KLF12: variants seen among roughly 807,000 people sequenced by gnomAD.
The protein encoded by KLF12 is KLF transcription factor 12.
KLF12 carries 9 observed loss-of-function variants against 37.8 expected under a neutral mutation model. That is an observed-to-expected ratio of 0.24 (90% CI 0.14 to 0.42). KLF12 has a LOEUF of 0.42. Ranked by LOEUF, KLF12 falls within the 10% of genes least tolerant of loss-of-function variation. KLF12 has a pLI of 1.00. For missense variants in KLF12, 411 were observed against 516.0 expected, an observed-to-expected ratio of 0.80 and a Z score of 1.97; for synonymous variants, 208 against 202.1, an observed-to-expected ratio of 1.03 and a Z score of -0.25.
At chr13:74,288,762 A>AAC in the KLF12 span, among the ~76,000 whole-genome samples, 1 of 152,296 alleles carries the variant, frequency 6.6e-6, no homozygotes, top group African/African-American at 2.4e-5. Context: ...AAAAGAGCTG[A>AAC]ACAGTGATCC....
intron 3 of KLF12, among the ~76,000 whole-genome samples, chr13:73,899,986 C>A (rs1887966647): frequency 6.6e-6 from 1 of 152,076 alleles, no homozygotes; most frequent in Non-Finnish European, 1.5e-5. Flanking sequence ...TTAGAGAGCC[C>A]TAATGCAAAC....
At chr13:74,195,256 G>C in the KLF12 span, among the ~76,000 whole-genome samples, 2 of 152,142 alleles carry the variant, frequency 1.3e-5, no homozygotes, top group East Asian at 3.9e-4. Flanking sequence ...GGAAAAGAAA[G>C]TTATTAAAGA....
chr13:74,042,971 G>A (rs1322337035), intron 1 of KLF12, among the ~76,000 whole-genome samples: 1 of 152,154 alleles, frequency 6.6e-6, no homozygotes, highest in African/African-American at 2.4e-5. Context: ...AAGTAGCAAA[G>A]TTTAGTGGGG....
rs146118681 is a variant in KLF12, at chr13:74,110,821, A to T, written c.-32+22918T>A. ...AGAACTCAAGGGTTTGTAATCTGCA[A>T]ATAGGATATGAGTACTACATGAAGC... On this transcript the variant is annotated intron_variant, in intron 1 of 7. Transcript: ENST00000377669. Among the ~76,000 whole-genome samples, 10 of 152,304 alleles carry T rather than the reference A, an allele frequency of 6.6e-5. No individual in the cohort carries two copies. In the East Asian group the frequency reaches 1.9e-3, roughly 29 times the overall value.
intron 7 of KLF12, among the ~76,000 whole-genome samples, chr13:73,699,464 A>G (rs937068924): frequency 6.6e-6 from 1 of 152,202 alleles, no homozygotes; most frequent in African/African-American, 2.4e-5. Context: ...AATCAGACCT[A>G]AAAATATCCT....
the KLF12 span, among the ~76,000 whole-genome samples, chr13:74,193,907 T>C: frequency 2.0e-5 from 3 of 152,218 alleles, no homozygotes; most frequent in African/African-American, 7.2e-5. Context: ...TTATGTTCTT[T>C]AGCTTGGTTC....
the KLF12 span, among the ~76,000 whole-genome samples, chr13:74,163,639 A>C: frequency 6.6e-6 from 1 of 152,114 alleles, no homozygotes; most frequent in East Asian, 1.9e-4. Context: ...GAAAAGGAGA[A>C]GTAAGACCTA....
At chr13:73,723,965 C>G (rs749002582) in intron 6 of KLF12, among the ~76,000 whole-genome samples, 5 of 152,068 alleles carry the variant, frequency 3.3e-5, no homozygotes, top group African/African-American at 1.2e-4. Flanking sequence ...GTTCAACCAT[C>G]GGGGAAGACA....
intron 2 of KLF12, among the ~76,000 whole-genome samples, chr13:73,974,409 C>A (rs1316279295): frequency 6.6e-6 from 1 of 152,020 alleles, no homozygotes. Context: ...CCATTAGGAA[C>A]ACTCAATGCC....
At chr13:74,184,931 C>A in the KLF12 span, among the ~76,000 whole-genome samples, 1 of 152,278 alleles carries the variant, frequency 6.6e-6, no homozygotes, top group South Asian at 2.1e-4. Context: ...GCAGATTGGA[C>A]ATTTTACTAT....
At chr13:74,081,078 C>A (rs1346292085) in intron 1 of KLF12, among the ~76,000 whole-genome samples, 1 of 152,178 alleles carries the variant, frequency 6.6e-6, no homozygotes, top group Non-Finnish European at 1.5e-5. Flanking sequence ...CCAGTACCAA[C>A]CCTGGTCCAG....
chr13:74,154,494 G>A, the KLF12 span, among the ~76,000 whole-genome samples: 3 of 152,150 alleles, frequency 2.0e-5, no homozygotes, highest in African/African-American at 7.2e-5. Flanking sequence ...GTTGTTACAT[G>A]TTCCAATATT....
chr13:73,864,650 A>C (rs1041960268), intron 3 of KLF12, among the ~76,000 whole-genome samples: 5 of 152,138 alleles, frequency 3.3e-5, no homozygotes, highest in African/African-American at 1.2e-4. Context: ...TTTAAATTAC[A>C]AAGGAGTTCA....
intron 3 of KLF12, among the ~76,000 whole-genome samples, chr13:73,888,482 AT>A (rs1465241642): frequency 2.0e-5 from 3 of 152,220 alleles, no homozygotes; most frequent in African/African-American, 7.2e-5. Context: ...AACTTGTAGC[AT>A]GTATAATTCT....
intron 7 of KLF12, among the ~76,000 whole-genome samples, chr13:73,697,505 T>C (rs1252565113): frequency 6.6e-6 from 1 of 152,176 alleles, no homozygotes; most frequent in African/African-American, 2.4e-5. Context: ...GAAACAAAAA[T>C]CAGCAAAACC....
chr13:73,761,456 G>GC, intron 6 of KLF12, among the ~76,000 whole-genome samples: 1 of 152,142 alleles, frequency 6.6e-6, no homozygotes, highest in East Asian at 1.9e-4. Flanking sequence ...CCCAGAGATG[G>GC]CATCAGAGGA....
rs75994848 is a variant in KLF12, at chr13:73,793,257, G to A, written c.806+19895C>T. Among the ~76,000 whole-genome samples, 43 of 152,144 alleles carry A rather than the reference G, an allele frequency of 2.8e-4. No homozygotes were observed. The East Asian group carries it at 7.7e-3, about 27-fold the overall frequency. On this transcript the variant is annotated intron_variant, in intron 5 of 7. Coordinates refer to ENST00000377669, the MANE Select transcript of KLF12 (RefSeq NM_007249.5). ...AGCAGAGATGGTCAGATGTGTGTGC[G>A]GTCTGCCCCCAAATAAGATAATCTG...
the KLF12 span, among the ~76,000 whole-genome samples, chr13:74,148,381 A>G: frequency 6.8e-6 from 1 of 146,138 alleles, no homozygotes; most frequent in Admixed American, 6.9e-5. Flanking sequence ...CTTTGTCACA[A>G]TGAAAGTCTG....
At chr13:74,078,706 A>G (rs1874708323) in intron 1 of KLF12, among the ~76,000 whole-genome samples, 1 of 152,224 alleles carries the variant, frequency 6.6e-6, no homozygotes, top group African/African-American at 2.4e-5. Flanking sequence ...ATAATCATTC[A>G]GAGTAATGAT....
Sources: gnomAD v4.1 joint callset for allele counts (sites outside exome capture counted in the v4.1 genomes callset) on GRCh38, gnomAD v4.1.1 for gene constraint, MANE v1.5 for transcripts, NCBI Gene and HGNC (gene_info 2026-07-23, HGNC 2026-07-21) for gene names.